The following GALNT17 variants were observed in gnomAD, a reference collection of about 807,000 sequenced individuals.
GALNT17 encodes the protein UDP-GalNAc:polypeptide N-acetylgalactosaminyltransferase-like 3.
A neutral mutation model predicts 63.7 loss-of-function variants in GALNT17; 29 were observed. The observed-to-expected ratio is 0.46, with a 90% CI of 0.34 to 0.62. The LOEUF is 0.62. Among genes scored for constraint, GALNT17 ranks in the 20% least tolerant of loss-of-function variants. The pLI, the probability that GALNT17 is intolerant of heterozygous loss-of-function variation, is 0.01. For synonymous variants in GALNT17, 305 were observed against 318.3 expected, an observed-to-expected ratio of 0.96 and a Z score of 0.45; for missense variants, 603 against 799.6, an observed-to-expected ratio of 0.75 and a Z score of 2.97.
chr7:71,274,629 T>C (rs1408490391), intron 1 of GALNT17, among the ~76,000 whole-genome samples: 2 of 152,174 alleles, frequency 1.3e-5, no homozygotes, highest in Non-Finnish European at 2.9e-5. Flanking sequence ...CCCTAAGACA[T>C]TGGTCTGGAA....
intron 5 of GALNT17, among the ~76,000 whole-genome samples, chr7:71,456,417 G>A (rs754419843): frequency 6.6e-6 from 1 of 151,968 alleles, no homozygotes; most frequent in Non-Finnish European, 1.5e-5. Flanking sequence ...AATGAGCCTT[G>A]GCCGGGCGTA....
At chr7:71,618,891 G>C (rs1195673945) in intron 6 of GALNT17, among the ~76,000 whole-genome samples, 1 of 152,092 alleles carries the variant, frequency 6.6e-6, no homozygotes, top group African/African-American at 2.4e-5. Context: ...TGCCAAGGCT[G>C]ATGCTGAGAA....
chr7:71,269,157 A>G (rs1790542162), intron 1 of GALNT17, among the ~76,000 whole-genome samples: 1 of 152,144 alleles, frequency 6.6e-6, no homozygotes, highest in Admixed American at 6.5e-5. Flanking sequence ...AAAGGAAAAC[A>G]CCAGGCAAGC....
At chr7:71,577,038 A>T (rs865853535) in intron 6 of GALNT17, among the ~76,000 whole-genome samples, 1 of 152,246 alleles carries the variant, frequency 6.6e-6, no homozygotes, top group Admixed American at 6.5e-5. Flanking sequence ...ACCCTAAAAA[A>T]GATTGAAATC....
At chr7:71,281,892 G>A (rs149893870) in intron 1 of GALNT17, among the ~76,000 whole-genome samples, 8 of 152,288 alleles carry the variant, frequency 5.3e-5, no homozygotes, top group African/African-American at 9.6e-5. Flanking sequence ...GGTTAGTGTC[G>A]TGGGATGAAG....
intron 5 of GALNT17, among the ~76,000 whole-genome samples, chr7:71,539,360 A>G (rs139181890): frequency 8.5e-4 from 130 of 152,238 alleles, no homozygotes; most frequent in African/African-American, 3.1e-3. Context: ...GTTTATTGTT[A>G]AAAAAATAAA....
At chr7:71,482,108 T>C (rs891168060) in intron 5 of GALNT17, among the ~76,000 whole-genome samples, 3 of 151,288 alleles carry the variant, frequency 2.0e-5, no homozygotes, top group African/African-American at 7.3e-5. Context: ...TGTGTGTGTG[T>C]GTGTGTATGT....
chr7:71,657,439 G>A (rs1790844725), intron 6 of GALNT17, among the ~76,000 whole-genome samples: 1 of 152,192 alleles, frequency 6.6e-6, no homozygotes, highest in Non-Finnish European at 1.5e-5. Context: ...AAATGAACCA[G>A]TCATGTTGGC....
At chr7:71,644,527 C>CAAAAAAAAAAAAAA (rs58497593) in intron 6 of GALNT17, among the ~76,000 whole-genome samples, 1 of 23,664 alleles carries the variant, frequency 4.2e-5, no homozygotes, top group Non-Finnish European at 7.0e-5. Context: ...GACTCCATCT[C>CAAAAAAAAAAAAAA]AAAAAAAAAA....
intron 1 of GALNT17, among the ~76,000 whole-genome samples, chr7:71,186,055 T>G (rs1160391234): frequency 2.6e-5 from 4 of 152,214 alleles, no homozygotes; most frequent in African/African-American, 7.2e-5. Context: ...GGTTAAGATT[T>G]GTATAACAGT....
chr7:71,337,962 AATCGCTTTGGGCAG>A (rs1273672721), intron 2 of GALNT17, among the ~76,000 whole-genome samples: 2 of 152,090 alleles, frequency 1.3e-5, no homozygotes, highest in Non-Finnish European at 2.9e-5. Context: ...TTGGGAAGCC[AATCGCTTTGGGCAG>A]ATCGCTTGAG....
At chr7:71,667,109 C>G (rs1391474066) in intron 7 of GALNT17, among the ~76,000 whole-genome samples, 1 of 152,200 alleles carries the variant, frequency 6.6e-6, no homozygotes, top group African/African-American at 2.4e-5. Flanking sequence ...GCCAGAGCAC[C>G]CATAGGTGTC....
chr7:71,190,405 G>A (rs1020834708), intron 1 of GALNT17, among the ~76,000 whole-genome samples: 1 of 152,014 alleles, frequency 6.6e-6, no homozygotes, highest in Admixed American at 6.6e-5. Flanking sequence ...TGTCTCTCTT[G>A]CTCTTGCTTT....
At chr7:71,158,898 G>A (rs1020663061) in intron 1 of GALNT17, among the ~76,000 whole-genome samples, 5 of 151,948 alleles carry the variant, frequency 3.3e-5, no homozygotes, top group East Asian at 1.9e-4. Flanking sequence ...TAGTAGAGAC[G>A]TGAAATGTTT....
At chr7:71,467,681 G>A (rs561668935) in intron 5 of GALNT17, among the ~76,000 whole-genome samples, 8 of 151,984 alleles carry the variant, frequency 5.3e-5, no homozygotes, top group South Asian at 4.2e-4. Context: ...TACCAGCTTC[G>A]TCCCAGAAGG....
chr7:71,430,450 A>G (rs1388890450), intron 5 of GALNT17, among the ~76,000 whole-genome samples: 1 of 152,150 alleles, frequency 6.6e-6, no homozygotes, highest in Non-Finnish European at 1.5e-5. Flanking sequence ...GAAGGTTCCA[A>G]AATGCCACAG....
At chr7:71,145,989 A>T (rs1457565658) in intron 1 of GALNT17, among the ~76,000 whole-genome samples, 1 of 152,130 alleles carries the variant, frequency 6.6e-6, no homozygotes, top group Non-Finnish European at 1.5e-5. Context: ...TACAGGCGCG[A>T]GCCACCGTAC....
At position 71,148,860 on chromosome 7, in the gene GALNT17, T is replaced by TATATATA. The variant is rs1554333242; in HGVS notation, c.238+15820_238+15821insATATATA. On this transcript the variant is annotated intron_variant, in intron 1 of 10. Transcript: ENST00000333538. ...GAAATACAGTAGTATTATGGTATTT[T>TATATATA]TATATATATATATATATATATATAT... 7.9e-3 allele frequency among the ~76,000 whole-genome samples: 818 copies of TATATATA among 102,960 alleles called. 6 individuals are homozygous for TATATATA. The highest frequency in any genetic ancestry group is 0.014 in the South Asian group (40 of 2,958). The allele number at this position is 102,960 out of a possible 152,430, so 67.5% of individuals were successfully genotyped here.
intron 6 of GALNT17, among the ~76,000 whole-genome samples, chr7:71,646,747 C>CCT (rs112154213): frequency 7.3e-4 from 93 of 128,094 alleles, no homozygotes; most frequent in African/African-American, 2.7e-3. Context: ...TCCAAGTTTC[C>CCT]TTTTTTTTTT....
Sources: allele counts gnomAD v4.1 joint callset (sites outside exome capture counted in the v4.1 genomes callset), GRCh38; gene constraint gnomAD v4.1.1; transcripts MANE v1.5; gene names NCBI Gene and HGNC (gene_info 2026-07-23, HGNC 2026-07-21).